ST3GAL3: variants seen among roughly 807,000 people sequenced by gnomAD.
ST3GAL3 encodes CMP-N-acetylneuraminate-beta-1,4-galactoside alpha-2,3-sialyltransferase.
In ST3GAL3, 21 loss-of-function variants were observed where a neutral mutation model predicts 50.1. The ratio of observed to expected loss-of-function variants is 0.42; its 90% CI spans 0.30 to 0.60. The LOEUF (loss-of-function observed/expected upper bound fraction) is 0.60, where lower values mean the gene tolerates loss of function less well. Among genes scored for constraint, ST3GAL3 ranks in the 20% least tolerant of loss-of-function variants. The probability of loss-of-function intolerance (pLI) is 0.19; values close to 1 mark genes in which losing one functional copy is unlikely to be tolerated. For missense variants in ST3GAL3, 353 were observed against 489.4 expected (o/e 0.72, Z 2.63); for synonymous variants, 183 against 190.0 (o/e 0.96, Z 0.30).
intron 5 of ST3GAL3, among the ~76,000 whole-genome samples, chr1:43,888,062 A>C (rs1292213799): frequency 1.3e-5 from 2 of 152,166 alleles, no homozygotes; most frequent in Admixed American, 6.5e-5. Flanking sequence ...AGGAGAAAAA[A>C]ACAAGCATGC....
rs376896536 is a variant in ST3GAL3 at position 43,759,269 on chromosome 1, C to G, written c.118+22889C>G. On this transcript the variant is annotated intron_variant, in intron 2 of 11. Coordinates refer to ENST00000347631, the MANE Select transcript of ST3GAL3 (RefSeq NM_006279.5). ...GACCATCCTGGCCAACATGGTGAAACTCCACCTCTACTAAAAATACAAAAA... is the reference window on the plus strand; with the variant it reads ...GACCATCCTGGCCAACATGGTGAAAGTCCACCTCTACTAAAAATACAAAAA... Among the ~76,000 whole-genome samples the G allele has an allele frequency of 1.5e-3, 233 of 151,578 alleles. 1 individual carries two copies. Among genetic ancestry groups the G allele is most frequent in the African/African-American group, 5.4e-3 (225 of 41,354 alleles).
intron 4 of ST3GAL3, chr1:43,824,893 G>T: frequency 1.3e-6 from 1 of 766,306 alleles, no homozygotes; most frequent in South Asian, 1.4e-5. Flanking sequence ...AGCTGCCCAG[G>T]TGAGTCTAAT....
At chr1:43,743,896 C>T (rs956761774) in intron 2 of ST3GAL3, among the ~76,000 whole-genome samples, 6 of 141,382 alleles carry the variant, frequency 4.2e-5, no homozygotes, top group Admixed American at 7.2e-5. Flanking sequence ...TGTGTACACA[C>T]GCATATTGTA....
chr1:43,756,729 A>G (rs945306207), intron 2 of ST3GAL3, among the ~76,000 whole-genome samples: 2 of 152,164 alleles, frequency 1.3e-5, no homozygotes, highest in African/African-American at 2.4e-5. Context: ...ACATTCCATG[A>G]TGGTTAGAAG....
At chr1:43,896,129 A>G (rs887170869) in intron 6 of ST3GAL3, among the ~76,000 whole-genome samples, 6 of 152,122 alleles carry the variant, frequency 3.9e-5, no homozygotes, top group South Asian at 2.1e-4. Flanking sequence ...TTCTCACTCA[A>G]CTTCTGGAAG....
At chr1:43,780,322 T>A (rs1012156312) in intron 2 of ST3GAL3, among the ~76,000 whole-genome samples, 6 of 152,168 alleles carry the variant, frequency 3.9e-5, no homozygotes, top group Non-Finnish European at 5.9e-5. Context: ...TAATTATTTA[T>A]ATAAAACCTG....
chr1:43,824,851 C>T lies in ST3GAL3; in HGVS notation c.209+9918C>T, dbSNP rs113954699. The T allele has an allele frequency of 6.5e-4, 682 of 1,046,632 alleles. 2 individuals carry two copies. Among genetic ancestry groups the T allele is most frequent in the Admixed American group, 9.9e-4 (56 of 56,522 alleles). 64.8% of individuals were successfully genotyped at this position (1,046,632 alleles called of 1,614,324 possible). A position where few individuals can be genotyped will look rare whatever the true frequency, so the allele number is the denominator to read the frequency against. On this transcript the variant is annotated intron_variant, in intron 4 of 11. Transcript: ENST00000347631. The stretch of plus-strand genomic sequence containing the variant: ...CTCTAGAGATTTTGAAGTCACTGAG[C>T]GAGGACACAGCCTTTGCATTAGGAT...
intron 2 of ST3GAL3, among the ~76,000 whole-genome samples, chr1:43,758,629 G>C (rs1455368217): frequency 2.6e-5 from 4 of 152,184 alleles, no homozygotes; most frequent in Admixed American, 6.5e-5. Context: ...GGTCAGTTAA[G>C]TATGTTGATA....
chr1:43,720,502 G>A (rs1353416695), intron 1 of ST3GAL3: 1 of 152,136 alleles, frequency 6.6e-6, no homozygotes, highest in African/African-American at 2.4e-5. Context: ...CAAGATCAAG[G>A]GGCTGGCATG....
At chr1:43,884,292 T>C (rs1005512519) in intron 5 of ST3GAL3, among the ~76,000 whole-genome samples, 3 of 152,228 alleles carry the variant, frequency 2.0e-5, no homozygotes, top group Non-Finnish European at 2.9e-5. Flanking sequence ...TCAGGACATA[T>C]GATGCCCACC....
chr1:43,807,756 T>G (rs2060072211), intron 3 of ST3GAL3, among the ~76,000 whole-genome samples: 1 of 152,104 alleles, frequency 6.6e-6, no homozygotes, highest in Non-Finnish European at 1.5e-5. Flanking sequence ...TGAGATCCAT[T>G]TAGAACATGG....
Position 43,707,618 on chromosome 1 carries a change from C to A in ST3GAL3, c.-106C>A, listed in dbSNP as rs890400072. On this transcript the variant is annotated 5_prime_UTR_variant, in exon 1 of 12. Transcript: ENST00000347631. Reference sequence around the variant, plus strand: ...GGGTCCCCCGCGGCTGTCGCCGCCGCCTACGCCGCTGCCTCCGCCTTCCTG... The same window carrying A: ...GGGTCCCCCGCGGCTGTCGCCGCCGACTACGCCGCTGCCTCCGCCTTCCTG... The A allele has an allele frequency of 6.5e-6, 1 of 153,068 alleles. No individual in the cohort carries two copies. The highest frequency in any genetic ancestry group is 2.4e-5 in the African/African-American group (1 of 41,416). 9.5% of individuals were successfully genotyped at this position (153,068 alleles called of 1,614,324 possible).
chr1:43,917,593 A>T (rs60614934), intron 9 of ST3GAL3, among the ~76,000 whole-genome samples: 2,412 of 48,038 alleles, frequency 0.05, 70 homozygotes, highest in East Asian at 0.19. Flanking sequence ...TATTATATAT[A>T]ATATATATAT....
intron 5 of ST3GAL3, among the ~76,000 whole-genome samples, chr1:43,852,136 C>T (rs771340388): frequency 6.6e-6 from 1 of 152,186 alleles, no homozygotes; most frequent in Non-Finnish European, 1.5e-5. Flanking sequence ...GACCAGAGTC[C>T]TGCTTCTCTG....
intron 5 of ST3GAL3, among the ~76,000 whole-genome samples, chr1:43,854,442 A>G (rs57134939): frequency 0.02 from 3,099 of 151,896 alleles, 72 homozygotes; most frequent in African/African-American, 0.055. Flanking sequence ...TATTTGTTCA[A>G]ACTCCCTCCC....
At chr1:43,811,128 C>G (rs2060509090) in intron 3 of ST3GAL3, among the ~76,000 whole-genome samples, 1 of 152,142 alleles carries the variant, frequency 6.6e-6, no homozygotes, top group African/African-American at 2.4e-5. Context: ...ATAAAAATTC[C>G]ATGGTCACAG....
intron 5 of ST3GAL3, among the ~76,000 whole-genome samples, chr1:43,847,547 T>C (rs763837996): frequency 2.0e-5 from 3 of 152,156 alleles, no homozygotes; most frequent in Non-Finnish European, 4.4e-5. Context: ...AAACAAATAT[T>C]GTGTGATTCC....
At chr1:43,820,293 A>C (rs1158311859) in intron 4 of ST3GAL3, among the ~76,000 whole-genome samples, 1 of 152,200 alleles carries the variant, frequency 6.6e-6, no homozygotes, top group African/African-American at 2.4e-5. Flanking sequence ...ATTTTACCAT[A>C]TATAAAAATT....
At chr1:43,754,721 A>T (rs1047835083) in intron 2 of ST3GAL3, among the ~76,000 whole-genome samples, 1 of 152,190 alleles carries the variant, frequency 6.6e-6, no homozygotes, top group Non-Finnish European at 1.5e-5. Context: ...CTTCGGGAAG[A>T]TGAGGCAGGA....
Sources: allele counts gnomAD v4.1 joint callset (sites outside exome capture counted in the v4.1 genomes callset), GRCh38; gene constraint gnomAD v4.1.1; transcripts MANE v1.5; gene names NCBI Gene and HGNC (gene_info 2026-07-23, HGNC 2026-07-21).